TRPS1: variants seen among roughly 807,000 people sequenced by gnomAD.
TRPS1 encodes transcriptional repressor GATA binding 1.
TRPS1 carries 6 observed loss-of-function variants against 101.2 expected under a neutral mutation model. That is an observed-to-expected ratio of 0.06 (90% CI 0.03 to 0.12). TRPS1 has a LOEUF of 0.12. Ranked by LOEUF, TRPS1 falls within the 10% of genes least tolerant of loss-of-function variation. The pLI is 1.00. For synonymous variants in TRPS1, 578 were observed against 589.8 expected (o/e 0.98, Z 0.29); for missense variants, 1,363 against 1,567.0 (o/e 0.87, Z 2.20).
At chr8:115,631,882 T>C (rs1047992023) in intron 1 of TRPS1, among the ~76,000 whole-genome samples, 1 of 152,026 alleles carries the variant, frequency 6.6e-6, no homozygotes, top group South Asian at 2.1e-4. Flanking sequence ...GAATCAGATA[T>C]CATAGCTCTA....
chr8:115,499,635 A>T lies in TRPS1; in HGVS notation c.2701-81183T>A, dbSNP rs150017539. On this transcript the variant is annotated intron_variant, in intron 5 of 6. Transcript: ENST00000395715. ...CCCTAATCAGAACCACAAGCTAGGG[A>T]TTGACTCCTGAAACTCGCAGATGTC... Among the ~76,000 whole-genome samples the T allele has an allele frequency of 2.5e-3, 383 of 152,346 alleles. 3 individuals are homozygous for T. Among genetic ancestry groups the T allele is most frequent in the East Asian group, 6.6e-3 (34 of 5,184 alleles).
chr8:115,646,890 T>A (rs1338156488), intron 1 of TRPS1, among the ~76,000 whole-genome samples: 1 of 152,180 alleles, frequency 6.6e-6, no homozygotes, highest in African/African-American at 2.4e-5. Context: ...TTAAATACTA[T>A]AACTTATGAA....
At position 115,442,542 on chromosome 8, in the gene TRPS1, G is replaced by C. The variant is rs74714937; in HGVS notation, c.2701-24090C>G. 8.1e-4 allele frequency among the ~76,000 whole-genome samples: 118 copies of C among 144,946 alleles called. No homozygotes were observed. In the East Asian group the frequency reaches 0.022, roughly 27 times the overall value. On this transcript the variant is annotated intron_variant, in intron 5 of 6. Transcript: ENST00000395715. The stretch of plus-strand genomic sequence containing the variant: ...CCATATCTGGGTAGCAAGCATCCAA[G>C]TATGGTGCGTGTGTGTGTGTGTGTG...
chr8:115,659,464 C>T (rs927884805), intron 1 of TRPS1, among the ~76,000 whole-genome samples: 1 of 151,460 alleles, frequency 6.6e-6, no homozygotes, highest in Non-Finnish European at 1.5e-5. Flanking sequence ...TTTAAAAGAT[C>T]TCAAAGGTAT....
intron 4 of TRPS1, among the ~76,000 whole-genome samples, chr8:115,591,983 A>C (rs1817688864): frequency 6.6e-6 from 1 of 152,146 alleles, no homozygotes; most frequent in Non-Finnish European, 1.5e-5. Flanking sequence ...CTCCCAGAAC[A>C]ATGTTATATT....
At chr8:115,500,662 C>T (rs959976711) in intron 5 of TRPS1, among the ~76,000 whole-genome samples, 1 of 152,042 alleles carries the variant, frequency 6.6e-6, no homozygotes, top group Non-Finnish European at 1.5e-5. Flanking sequence ...CTCCGCCTCC[C>T]GGGTTCACGC....
intron 5 of TRPS1, among the ~76,000 whole-genome samples, chr8:115,487,350 GT>G (rs758680128): frequency 1.3e-5 from 2 of 151,984 alleles, no homozygotes; most frequent in Admixed American, 6.6e-5. Context: ...AGAGATCAGT[GT>G]TTTTTTTCAT....
At chr8:115,535,922 A>C (rs1163167405) in intron 5 of TRPS1, among the ~76,000 whole-genome samples, 1 of 152,040 alleles carries the variant, frequency 6.6e-6, no homozygotes, top group Non-Finnish European at 1.5e-5. Flanking sequence ...AAAGTCTCAC[A>C]GTTCATTTTA....
intron 5 of TRPS1, among the ~76,000 whole-genome samples, chr8:115,487,350 G>T (rs1814908872): frequency 6.6e-6 from 1 of 151,868 alleles, no homozygotes; most frequent in South Asian, 2.1e-4. Flanking sequence ...AGAGATCAGT[G>T]TTTTTTTTCA....
At chr8:115,624,429 G>A (rs1586469702) in intron 1 of TRPS1, among the ~76,000 whole-genome samples, 2 of 152,022 alleles carry the variant, frequency 1.3e-5, no homozygotes, top group East Asian at 1.9e-4. Flanking sequence ...ATGTAATAGT[G>A]AGCAGGCCTA....
At chr8:115,667,993 C>G (rs947698946) in intron 1 of TRPS1, 2 of 1,143,438 alleles carry the variant, frequency 1.7e-6, no homozygotes, top group South Asian at 1.3e-5. Flanking sequence ...CCGCTGCGCC[C>G]GGTAGGAGAG....
intron 5 of TRPS1, among the ~76,000 whole-genome samples, chr8:115,557,938 G>A (rs1316544449): frequency 6.6e-6 from 1 of 152,018 alleles, no homozygotes; most frequent in Non-Finnish European, 1.5e-5. Context: ...GACAGTAAGA[G>A]ACACAAAAAC....
At position 115,474,364 on chromosome 8, in the gene TRPS1, T is replaced by C. The variant is rs1398892879; in HGVS notation, c.2701-55912A>G. ...CTATAAAAAAAATTCACTGAGACCATGAGAAAATTCTCTGGGATGGATGGA... is the reference window on the plus strand; with the variant it reads ...CTATAAAAAAAATTCACTGAGACCACGAGAAAATTCTCTGGGATGGATGGA... On this transcript the variant is annotated intron_variant, in intron 5 of 6. Coordinates refer to ENST00000395715, the MANE Select transcript of TRPS1 (RefSeq NM_014112.5). 2.0e-5 allele frequency among the ~76,000 whole-genome samples: 3 copies of C among 152,118 alleles called. No individual in the cohort carries two copies. The East Asian group carries it at 5.8e-4, about 29-fold the overall frequency.
chr8:115,451,297 C>T (rs1322198618), intron 5 of TRPS1, among the ~76,000 whole-genome samples: 1 of 152,038 alleles, frequency 6.6e-6, no homozygotes, highest in African/African-American at 2.4e-5. Flanking sequence ...ACTACTCATT[C>T]CTCATTCATT....
intron 5 of TRPS1, among the ~76,000 whole-genome samples, chr8:115,459,110 G>C (rs1814100474): frequency 1.3e-5 from 2 of 152,142 alleles, no homozygotes; most frequent in Admixed American, 1.3e-4. Context: ...GGCCAAGGCA[G>C]GCAGATCACG....
chr8:115,645,631 TTAC>T (rs1480269475), intron 1 of TRPS1, among the ~76,000 whole-genome samples: 1 of 152,124 alleles, frequency 6.6e-6, no homozygotes, highest in African/African-American at 2.4e-5. Flanking sequence ...TGCAAAAAAG[TTAC>T]TACAAGAGGA....
intron 5 of TRPS1, among the ~76,000 whole-genome samples, chr8:115,527,681 T>C (rs1276500833): frequency 6.6e-6 from 1 of 151,982 alleles, no homozygotes; most frequent in Non-Finnish European, 1.5e-5. Context: ...TTGAAAATGG[T>C]CCTGAGAAGA....
intron 1 of TRPS1, among the ~76,000 whole-genome samples, chr8:115,624,269 A>G (rs1405425638): frequency 6.6e-6 from 1 of 151,990 alleles, no homozygotes; most frequent in Non-Finnish European, 1.5e-5. Flanking sequence ...CCGTTAGAGT[A>G]AGTCTACTAT....
intron 5 of TRPS1, among the ~76,000 whole-genome samples, chr8:115,472,189 G>A (rs1814489009): frequency 6.6e-6 from 1 of 152,184 alleles, no homozygotes; most frequent in South Asian, 2.1e-4. Flanking sequence ...CAGAAAACAT[G>A]TGCCTGAACA....
Sources: allele counts gnomAD v4.1 joint callset (sites outside exome capture counted in the v4.1 genomes callset), GRCh38; gene constraint gnomAD v4.1.1; transcripts MANE v1.5; gene names NCBI Gene and HGNC (gene_info 2026-07-23, HGNC 2026-07-21).